The following PDGFD variants were observed in gnomAD, a reference collection of about 807,000 sequenced individuals.
PDGFD encodes platelet-derived growth factor D.
PDGFD carries 30 observed loss-of-function variants against 44.7 expected under a neutral mutation model. The ratio of observed to expected loss-of-function variants is 0.67; its 90% confidence interval spans 0.50 to 0.91. PDGFD has a LOEUF of 0.91. Among genes scored for constraint, PDGFD ranks in the 40% least tolerant of loss-of-function variants. The pLI is 0.00. For synonymous variants in PDGFD, 173 were observed against 168.4 expected, an observed-to-expected ratio of 1.03 and a Z score of -0.21; for missense variants, 445 against 457.8, an observed-to-expected ratio of 0.97 and a Z score of 0.25.
In PDGFD at chr11:103,943,496, G is replaced by T. The variant is rs1858620071; in HGVS notation, c.728C>A (p.Thr243Asn). The T allele has an allele frequency of 3.1e-6, 5 of 1,613,030 alleles. No individual in the cohort carries two copies. The highest frequency in any genetic ancestry group is 1.7e-5 in the Admixed American group (1 of 59,858). ...GTATGACCTGCCTCGATACCGAGGG[G>T]TGTCCAGATACATATTCTCAAGATC... ...QEDLENMYLD[T>N]PRYRGRSYHD... The change falls in exon 5 of 7, where the codon ACC becomes AAC. Residue 243 changes from threonine to asparagine, a missense_variant. Thr to Asn is a moderately conservative substitution (Grantham distance 65). Transcript: ENST00000393158.
At chr11:104,163,468 G>C (rs1862417362) in intron 1 of PDGFD, among the ~76,000 whole-genome samples, 1 of 152,102 alleles carries the variant, frequency 6.6e-6, no homozygotes, top group Admixed American at 6.5e-5. Context: ...TCTGACCAAG[G>C]GGCGGCGCAG....
intron 1 of PDGFD, among the ~76,000 whole-genome samples, chr11:104,112,982 C>T (rs1005096250): frequency 4.6e-5 from 7 of 152,018 alleles, no homozygotes; most frequent in Non-Finnish European, 8.8e-5. Flanking sequence ...CTCCATGATA[C>T]ATGTTTACCT....
chr11:103,978,080 C>A (rs1859210128), intron 3 of PDGFD, among the ~76,000 whole-genome samples: 1 of 152,062 alleles, frequency 6.6e-6, no homozygotes, highest in Non-Finnish European at 1.5e-5. Flanking sequence ...TAAAGAGTAT[C>A]ATTTCCATTG....
chr11:104,146,830 G>T (rs565024361), intron 1 of PDGFD, among the ~76,000 whole-genome samples: 1 of 151,794 alleles, frequency 6.6e-6, no homozygotes, highest in East Asian at 1.9e-4. Flanking sequence ...GGAGCCAGAG[G>T]GGAATAAAAG....
intron 3 of PDGFD, among the ~76,000 whole-genome samples, chr11:103,994,764 G>T (rs1859510837): frequency 6.6e-6 from 1 of 151,968 alleles, no homozygotes; most frequent in African/African-American, 2.4e-5. Context: ...ACAACTGAAG[G>T]ATTCTGGGAT....
intron 3 of PDGFD, among the ~76,000 whole-genome samples, chr11:103,950,388 A>G (rs1301566131): frequency 1.9e-5 from 2 of 102,732 alleles, no homozygotes; most frequent in African/African-American, 5.7e-5. Context: ...ATCTCTACTA[A>G]TAATACAAAA....
At chr11:104,118,962 AAAC>A (rs1298064493) in intron 1 of PDGFD, among the ~76,000 whole-genome samples, 8 of 100,144 alleles carry the variant, frequency 8.0e-5, no homozygotes. Context: ...TATCATAATA[AAAC>A]AATATAATAA....
At chr11:104,084,886 T>C (rs1377962876) in intron 1 of PDGFD, among the ~76,000 whole-genome samples, 1 of 129,178 alleles carries the variant, frequency 7.7e-6, no homozygotes, top group East Asian at 2.0e-4. Flanking sequence ...ATAATGAATA[T>C]AAAACATGTA....
chr11:103,937,269 C>T (rs1257924431), intron 5 of PDGFD, among the ~76,000 whole-genome samples: 1 of 152,090 alleles, frequency 6.6e-6, no homozygotes, highest in African/African-American at 2.4e-5. Flanking sequence ...ATATTTTAAT[C>T]AAAACACAAG....
intron 3 of PDGFD, among the ~76,000 whole-genome samples, chr11:103,959,996 T>C (rs574537426): frequency 3.2e-4 from 48 of 152,318 alleles, no homozygotes; most frequent in African/African-American, 9.9e-4. Flanking sequence ...ATCTTTTACT[T>C]TGACCAGTTA....
At chr11:103,989,431 C>T (rs1239564105) in intron 3 of PDGFD, among the ~76,000 whole-genome samples, 2 of 152,188 alleles carry the variant, frequency 1.3e-5, no homozygotes, top group African/African-American at 4.8e-5. Context: ...CAGCATTCAC[C>T]CAGGGGTTCT....
rs546874566 is a variant in PDGFD, at chr11:104,089,081, G to A, written c.124+74723C>T. 2.0e-5 allele frequency among the ~76,000 whole-genome samples: 3 copies of A among 152,260 alleles called. No individual in the cohort carries two copies. The South Asian group carries it at 6.2e-4, about 32-fold the overall frequency. On this transcript the variant is annotated intron_variant, in intron 1 of 6. Transcript: ENST00000393158. ...CATATGAATCGTAAGTGGTAAACTG[G>A]TAAATTATGAATCAGACACTGTCTT... is the stretch of plus-strand genomic sequence containing the variant.
intron 1 of PDGFD, among the ~76,000 whole-genome samples, chr11:104,132,414 T>C (rs916306822): frequency 6.6e-6 from 1 of 152,098 alleles, no homozygotes; most frequent in Non-Finnish European, 1.5e-5. Flanking sequence ...TACCTACTTC[T>C]CTATAGTTGG....
intron 5 of PDGFD, among the ~76,000 whole-genome samples, chr11:103,930,438 T>A (rs1858383481): frequency 6.6e-6 from 1 of 152,116 alleles, no homozygotes; most frequent in East Asian, 1.9e-4. Context: ...CCATCTAGAC[T>A]ACTAAGTGCT....
At chr11:104,119,710 TTATAA>T (rs1228192334) in intron 1 of PDGFD, among the ~76,000 whole-genome samples, 2 of 96,500 alleles carry the variant, frequency 2.1e-5, no homozygotes, top group Admixed American at 1.6e-4. Context: ...TCTATTAATA[TTATAA>T]TATAATATAT....
At chr11:103,926,701 T>A (rs1385568433) in intron 6 of PDGFD, among the ~76,000 whole-genome samples, 1 of 152,186 alleles carries the variant, frequency 6.6e-6, no homozygotes, top group Admixed American at 6.5e-5. Context: ...TTGTTCAAAT[T>A]AGAAAAAACA....
intron 1 of PDGFD, among the ~76,000 whole-genome samples, chr11:104,024,487 T>C (rs927835914): frequency 1.3e-5 from 2 of 152,200 alleles, no homozygotes; most frequent in African/African-American, 4.8e-5. Context: ...TGACAAATTG[T>C]ATGTAAGACA....
intron 3 of PDGFD, among the ~76,000 whole-genome samples, chr11:103,983,922 G>A (rs550067042): frequency 5.3e-5 from 8 of 151,774 alleles, no homozygotes; most frequent in South Asian, 2.1e-4. Context: ...TGGCAAGGTC[G>A]TGGAGAAAAA....
At chr11:104,155,275 A>T (rs1461256086) in intron 1 of PDGFD, among the ~76,000 whole-genome samples, 2 of 152,210 alleles carry the variant, frequency 1.3e-5, no homozygotes, top group Non-Finnish European at 2.9e-5. Context: ...TATAATCTGA[A>T]CTTTCCTTTA....
Sources: allele counts gnomAD v4.1 joint callset (sites outside exome capture counted in the v4.1 genomes callset), GRCh38; gene constraint gnomAD v4.1.1; transcripts MANE v1.5; gene names NCBI Gene and HGNC (gene_info 2026-07-23, HGNC 2026-07-21).